USP32: variants seen among roughly 807,000 people sequenced by gnomAD.
USP32 encodes the protein ubiquitin specific peptidase 32.
In USP32, 59 loss-of-function variants were observed where a neutral mutation model predicts 204.8. The ratio of observed to expected loss-of-function variants is 0.29; its 90% CI spans 0.23 to 0.36. USP32 has a LOEUF of 0.36. Among genes scored for constraint, USP32 ranks in the 10% least tolerant of loss-of-function variants. The probability of loss-of-function intolerance (pLI) is 1.00; values close to 1 mark genes in which losing one functional copy is unlikely to be tolerated. For missense variants in USP32, 1,160 were observed against 1,946.4 expected (o/e 0.60, Z 7.60); for synonymous variants, 517 against 678.4 (o/e 0.76, Z 3.70).
chr17:60,421,723 C>A, intron 1 of USP32: 1 of 795,912 alleles, frequency 1.3e-6, no homozygotes, highest in Non-Finnish European at 1.5e-6. Context: ...CCGGCCAACT[C>A]AGACTACACC....
rs1382473472 is a variant in USP32 at position 60,178,552 on chromosome 17, C to T, written c.*703G>A. On this transcript the variant is annotated 3_prime_UTR_variant, in exon 34 of 34. Coordinates refer to ENST00000300896, the MANE Select transcript of USP32 (RefSeq NM_032582.4). ...AGGATGCTGTTTCTTTCTACTGGGT[C>T]TCCCACAAGGCTCTGGGTGGAAGGC... Among the ~76,000 whole-genome samples, 9 of 152,200 alleles carry T rather than the reference C, an allele frequency of 5.9e-5. No homozygotes were observed. Among genetic ancestry groups the T allele is most frequent in the African/African-American group, 2.2e-4 (9 of 41,456 alleles).
chr17:60,392,186 CCT>C (rs2089852787), upstream of USP32: 3 of 539,380 alleles, frequency 5.6e-6, no homozygotes, highest in Non-Finnish European at 6.6e-6. Context: ...CCTTCTCTCT[CCT>C]CTCTCTCCTC....
intron 9 of USP32, among the ~76,000 whole-genome samples, chr17:60,264,678 G>A (rs73324936): frequency 0.045 from 6,754 of 151,666 alleles, 534 homozygotes; most frequent in African/African-American, 0.16. Flanking sequence ...CCAACATAAC[G>A]AAACCCCATC....
intron 2 of USP32, among the ~76,000 whole-genome samples, chr17:60,330,104 C>T (rs2088344297): frequency 6.6e-6 from 1 of 152,178 alleles, no homozygotes; most frequent in African/African-American, 2.4e-5. Flanking sequence ...CTATTCCTAA[C>T]CCAAGGAAGA....
At chr17:60,236,856 T>A (rs2085740438) in intron 11 of USP32, among the ~76,000 whole-genome samples, 1 of 152,236 alleles carries the variant, frequency 6.6e-6, no homozygotes, top group Admixed American at 6.5e-5. Context: ...CATGGCCTTT[T>A]AAAAATTTGG....
intron 1 of USP32, among the ~76,000 whole-genome samples, chr17:60,363,554 C>T (rs1421441159): frequency 1.3e-5 from 2 of 151,266 alleles, no homozygotes; most frequent in East Asian, 2.0e-4. Context: ...CTCACTCTGT[C>T]GCCAAGGCTG....
chr17:60,320,642 C>A lies in USP32; in HGVS notation c.187-18938G>T, dbSNP rs75725637. ...GGCCAGAAATTGATGTTTTTTTCAT[C>A]AACATTATAATGAAAAACAACACCG... On this transcript the variant is annotated intron_variant, in intron 2 of 33. Coordinates refer to ENST00000300896, the MANE Select transcript of USP32 (RefSeq NM_032582.4). Among the ~76,000 whole-genome samples the A allele has an allele frequency of 3.2e-3, 492 of 152,126 alleles. 15 individuals carry two copies. Among genetic ancestry groups the A allele is most frequent in the Admixed American group, 0.026 (393 of 15,276 alleles).
At chr17:60,290,089 C>T (rs923512364) in intron 4 of USP32, among the ~76,000 whole-genome samples, 1 of 151,996 alleles carries the variant, frequency 6.6e-6, no homozygotes. Context: ...GTCAACAGGC[C>T]CGGGGTAGAA....
chr17:60,218,096 T>C (rs2085150274), intron 16 of USP32, among the ~76,000 whole-genome samples: 1 of 152,226 alleles, frequency 6.6e-6, no homozygotes, highest in Non-Finnish European at 1.5e-5. Flanking sequence ...CAGGGGCCAA[T>C]GCTTTGCTAT....
chr17:60,357,634 G>GA (rs2089114969), intron 1 of USP32, among the ~76,000 whole-genome samples: 2 of 152,094 alleles, frequency 1.3e-5, no homozygotes, highest in Non-Finnish European at 2.9e-5. Flanking sequence ...TGTCCTAAGG[G>GA]TACCTTTATC....
At chr17:60,413,497 G>A (rs1274441728) in intron 1 of USP32, among the ~76,000 whole-genome samples, 1 of 152,138 alleles carries the variant, frequency 6.6e-6, no homozygotes, top group African/African-American at 2.4e-5. Flanking sequence ...AGGGAGGACA[G>A]GTGGATTAAA....
At chr17:60,256,748 G>A in intron 9 of USP32, 1 of 1,182,308 alleles carries the variant, frequency 8.5e-7, no homozygotes, top group African/African-American at 1.6e-5. Flanking sequence ...GGCTATGTAA[G>A]ATCTGCCAAT....
At chr17:60,354,355 C>T (rs192776850) in intron 1 of USP32, among the ~76,000 whole-genome samples, 81 of 152,194 alleles carry the variant, frequency 5.3e-4, no homozygotes, top group African/African-American at 1.9e-3. Context: ...TAGGAGTTTC[C>T]GTTTTAACAG....
intron 2 of USP32, among the ~76,000 whole-genome samples, chr17:60,308,342 A>G (rs1187410747): frequency 6.6e-6 from 1 of 152,178 alleles, no homozygotes; most frequent in African/African-American, 2.4e-5. Flanking sequence ...CTGGTGTCAG[A>G]GACCCATAAC....
At chr17:60,303,484 G>A (rs1432299949) in intron 2 of USP32, among the ~76,000 whole-genome samples, 2 of 151,288 alleles carry the variant, frequency 1.3e-5, no homozygotes, top group African/African-American at 2.4e-5. Flanking sequence ...AAAAGTTGAA[G>A]GTAGAGCAAA....
At chr17:60,285,747 G>T (rs562842242) in intron 5 of USP32, among the ~76,000 whole-genome samples, 98 of 152,248 alleles carry the variant, frequency 6.4e-4, no homozygotes, top group Non-Finnish European at 9.9e-4. Flanking sequence ...AAGGTTTCAT[G>T]AAAAAGAGGG....
At chr17:60,351,634 G>T (rs1258018813) in intron 1 of USP32, among the ~76,000 whole-genome samples, 1 of 152,112 alleles carries the variant, frequency 6.6e-6, no homozygotes, top group East Asian at 1.9e-4. Flanking sequence ...CGCCATGCTG[G>T]CCAGGCTGGT....
rs1472859047 is a variant in USP32, at chr17:60,244,037, T to G, written c.1137-7797A>C. On this transcript the variant is annotated intron_variant, in intron 11 of 33. Transcript: ENST00000300896. ...TCAAGTAGCTGGATTGTGTTTTTTT[T>G]TTTTTTTTTTTTTTTTGAGATGGAG... is the stretch of plus-strand genomic sequence containing the variant. 2.9e-5 allele frequency among the ~76,000 whole-genome samples: 4 copies of G among 135,860 alleles called. No homozygotes were observed. The East Asian group carries it at 8.1e-4, about 27-fold the overall frequency. 89.1% of individuals were successfully genotyped at this position (135,860 alleles called of 152,430 possible).
intron 31 of USP32, among the ~76,000 whole-genome samples, chr17:60,182,641 T>C (rs2145360688): frequency 6.6e-6 from 1 of 152,198 alleles, no homozygotes; most frequent in Non-Finnish European, 1.5e-5. Context: ...TGCATGCCTG[T>C]AGTCCCAGCT....
Sources: gnomAD v4.1 joint callset for allele counts (sites outside exome capture counted in the v4.1 genomes callset) on GRCh38, gnomAD v4.1.1 for gene constraint, MANE v1.5 for transcripts, NCBI Gene and HGNC (gene_info 2026-07-23, HGNC 2026-07-21) for gene names.